The following RB1 variants were observed in gnomAD, a reference collection of about 807,000 sequenced individuals.
The protein encoded by RB1 is RB transcriptional corepressor 1.
A neutral mutation model predicts 135.4 loss-of-function variants in RB1; 18 were observed. The observed-to-expected ratio is 0.13, with a 90% confidence interval of 0.09 to 0.20. RB1 has a LOEUF of 0.20. RB1 is among the 10% of genes least tolerant of loss of function. The probability of loss-of-function intolerance (pLI) is 1.00; values close to 1 mark genes in which losing one functional copy is unlikely to be tolerated. For synonymous variants in RB1, 365 were observed against 373.2 expected, an observed-to-expected ratio of 0.98 and a Z score of 0.25; for missense variants, 868 against 1,110.0, an observed-to-expected ratio of 0.78 and a Z score of 3.10.
intron 1 of RB1, among the ~76,000 whole-genome samples, chr13:48,305,799 G>T (rs4151423): frequency 0.024 from 3,634 of 152,256 alleles, 145 homozygotes; most frequent in African/African-American, 0.083. Flanking sequence ...TGAGCATCTT[G>T]CCTGGAGATG....
chr13:48,381,565 A>G, intron 17 of RB1, 122 bp downstream of exon 17: 1 of 959,430 alleles, frequency 1.0e-6, no homozygotes, highest in Non-Finnish European at 1.6e-6. Context: ...GAATAATGTT[A>G]TTTCAGTCTA....
chr13:48,314,253 T>C (rs1010288695), intron 2 of RB1, among the ~76,000 whole-genome samples: 7 of 152,186 alleles, frequency 4.6e-5, no homozygotes, highest in Non-Finnish European at 7.3e-5. Context: ...GCTGGGATTT[T>C]GATAGGGATT....
chr13:48,435,052 T>G (rs1949169614), intron 17 of RB1, among the ~76,000 whole-genome samples: 1 of 152,210 alleles, frequency 6.6e-6, no homozygotes, highest in Non-Finnish European at 1.5e-5. Flanking sequence ...AGTATGGGTT[T>G]TCTTTTCTCT....
intron 7 of RB1, among the ~76,000 whole-genome samples, chr13:48,362,545 C>T (rs907379688): frequency 2.0e-5 from 3 of 152,030 alleles, no homozygotes; most frequent in Non-Finnish European, 4.4e-5. Context: ...TGAAAGTTGG[C>T]TATTTCCATG....
chr13:48,384,781 C>A (rs778819900), intron 17 of RB1, among the ~76,000 whole-genome samples: 4 of 152,004 alleles, frequency 2.6e-5, no homozygotes, highest in Non-Finnish European at 4.4e-5. Flanking sequence ...TGCTTGACAG[C>A]CTTGAGATAA....
At chr13:48,316,735 A>T (rs1172719481) in intron 2 of RB1, 2 of 32,740 alleles carry the variant, frequency 6.1e-5, no homozygotes, top group African/African-American at 2.1e-4. Flanking sequence ...ACACACACAC[A>T]CACACACACA....
At position 48,465,036 on chromosome 13, in the gene RB1, T is replaced by C; in HGVS notation, c.2250T>C (p.Asp750=). Residue 750 remains aspartate (D), a synonymous_variant, in exon 22 of 27, where the codon GAT becomes GAC. Coordinates refer to ENST00000267163, the MANE Select transcript of RB1 (RefSeq NM_000321.3). ...TTTTGATCAAAGAAGAGGAGTATGA[T>C]TCTATTATAGTATTCTATAACTCGG... The part of the protein sequence containing the change: ...KRVLIKEEEY[D]SIIVFYNSVF... The C allele has an allele frequency of 1.2e-6, 2 of 1,610,614 alleles. No homozygotes were observed. The highest frequency in any genetic ancestry group is 1.7e-6 in the Non-Finnish European group (2 of 1,179,120).
chr13:48,318,127 C>T (rs1952201977), intron 2 of RB1: 1 of 516,664 alleles, frequency 1.9e-6, no homozygotes, highest in Non-Finnish European at 3.5e-6. Context: ...GGGGCCGTGT[C>T]CTGGCTCCTG....
intron 2 of RB1, among the ~76,000 whole-genome samples, chr13:48,325,892 T>A (rs187244698): frequency 2.6e-5 from 4 of 152,136 alleles, no homozygotes; most frequent in African/African-American, 9.7e-5. Flanking sequence ...TATTCACATT[T>A]AAAAATTTTA....
At chr13:48,477,286 A>G (rs1376420119) in intron 25 of RB1, 69 bp from the exon 26 acceptor site, 23 of 1,117,040 alleles carry the variant, frequency 2.1e-5, no homozygotes, top group African/African-American at 3.1e-5. Context: ...AAAGCATCAT[A>G]GTTACTGGAA....
chr13:48,411,538 C>A (rs1948801446), intron 17 of RB1: 3 of 1,613,408 alleles, frequency 1.9e-6, no homozygotes, highest in African/African-American at 1.3e-5. Flanking sequence ...TGAATTGTGT[C>A]CGATGTAAAG....
rs1050415033 is a variant in RB1, at chr13:48,360,339, A to G, written c.718+212A>G. ...ATGGTAGAAAGTGGTTTGGGTCAAA[A>G]TACAACAAATGGAGGTTTGGGAGAC... On this transcript the variant is annotated intron_variant, in intron 7 of 26. Transcript: ENST00000267163. 9 of 1,044,890 alleles carry G rather than the reference A, an allele frequency of 8.6e-6. No individual in the cohort carries two copies. In the African/African-American group the frequency reaches 1.1e-4, roughly 13 times the overall value. 64.7% of individuals were successfully genotyped at this position (1,044,890 alleles called of 1,614,324 possible).
intron 17 of RB1, chr13:48,404,105 G>A (rs1948717729): frequency 6.6e-6 from 1 of 152,198 alleles, no homozygotes; most frequent in Non-Finnish European, 1.5e-5. Flanking sequence ...TTAGGCTGAA[G>A]CCCCATGCTG....
At chr13:48,409,824 C>T (rs1448460904) in intron 17 of RB1, among the ~76,000 whole-genome samples, 1 of 151,902 alleles carries the variant, frequency 6.6e-6, no homozygotes, top group Non-Finnish European at 1.5e-5. Context: ...TATGATCCAC[C>T]CGCCTCAGCC....
chr13:48,305,073 A>G (rs1253731598), intron 1 of RB1, among the ~76,000 whole-genome samples: 1 of 152,194 alleles, frequency 6.6e-6, no homozygotes, highest in Non-Finnish European at 1.5e-5. Context: ...GCTATGATTG[A>G]AAGAGTGTAA....
chr13:48,392,133 T>C (rs2138161406), intron 17 of RB1, among the ~76,000 whole-genome samples: 1 of 152,138 alleles, frequency 6.6e-6, no homozygotes, highest in African/African-American at 2.4e-5. Flanking sequence ...TTTTTTGAGA[T>C]GAAGCCTCGC....
At chr13:48,395,216 A>G (rs1266629377) in intron 17 of RB1, among the ~76,000 whole-genome samples, 5 of 152,196 alleles carry the variant, frequency 3.3e-5, no homozygotes, top group Admixed American at 6.5e-5. Context: ...AACAAAAAGG[A>G]CGTCCACACA....
chr13:48,452,147 T>C (rs1949331729), intron 17 of RB1, among the ~76,000 whole-genome samples: 2 of 152,150 alleles, frequency 1.3e-5, no homozygotes, highest in African/African-American at 4.8e-5. Context: ...TGTCTTCTGC[T>C]AGCTTTGGGG....
chr13:48,366,518 A>G (rs1465486519), intron 9 of RB1, among the ~76,000 whole-genome samples: 1 of 152,224 alleles, frequency 6.6e-6, no homozygotes, highest in Non-Finnish European at 1.5e-5. Flanking sequence ...TTGGCGTTAA[A>G]AGTCACAGTA....
Sources: gnomAD v4.1 joint callset for allele counts (sites outside exome capture counted in the v4.1 genomes callset) on GRCh38, gnomAD v4.1.1 for gene constraint, MANE v1.5 for transcripts, NCBI Gene and HGNC (gene_info 2026-07-23, HGNC 2026-07-21) for gene names.